TLN1: variants seen among roughly 807,000 people sequenced by gnomAD.
The protein encoded by TLN1 is talin 1.
TLN1 carries 56 observed loss-of-function variants against 292.3 expected under a neutral mutation model. The ratio of observed to expected loss-of-function variants is 0.19; its 90% CI spans 0.15 to 0.24. TLN1 has a LOEUF of 0.24. TLN1 is among the 10% of genes least tolerant of loss of function. The pLI is 1.00. For missense variants in TLN1, 2,433 were observed against 3,248.2 expected (o/e 0.75, Z 6.10); for synonymous variants, 1,119 against 1,253.7 (o/e 0.89, Z 2.27).
chr9:35,721,784 T>C lies in TLN1; in HGVS notation c.968A>G (p.Asn323Ser). The C allele has an allele frequency of 6.2e-7, 1 of 1,610,386 alleles. No homozygotes were observed. Among genetic ancestry groups the C allele is most frequent in the Non-Finnish European group, 8.5e-7 (1 of 1,176,718 alleles). Residue 323 changes from asparagine to serine, a missense_variant, in exon 10 of 57, where the codon AAC becomes AGC. Physicochemically the swap from Asn to Ser is conservative, Grantham distance 46 (BLOSUM62 1). Coordinates refer to ENST00000314888, the MANE Select transcript of TLN1 (RefSeq NM_006289.4). ...FLVKEKMKGK[N>S]KLVPRLLGIT... The stretch of plus-strand genomic sequence containing the variant: ...GCCCAGAAGCCTGGGCACTAGCTTG[T>C]TCTTCCCTTTCATTTTTTCCTATGA...
intron 1 of TLN1, among the ~76,000 whole-genome samples, chr9:35,726,536 T>C (rs1825981089): frequency 6.6e-6 from 1 of 152,240 alleles, no homozygotes; most frequent in Non-Finnish European, 1.5e-5. Flanking sequence ...CTGCCTTCTC[T>C]GCAAAATGAA....
At position 35,710,823 on chromosome 9, in the gene TLN1, G is replaced by A; in HGVS notation, c.4177C>T (p.Leu1393=). 2 of 1,614,208 alleles carry A rather than the reference G, an allele frequency of 1.2e-6. No homozygotes were observed. The highest frequency in any genetic ancestry group is 1.7e-6 in the Non-Finnish European group (2 of 1,180,042). Residue 1393 remains leucine, a synonymous_variant, in exon 32 of 57, where the codon CTG becomes TTG. Transcript: ENST00000314888. ...PINDMSYFGC[L]DSVMENSKVL... is the part of the protein sequence containing the mutation. Reference sequence around the variant, plus strand: ...TTTGAGTTCTCCATTACACTGTCCAGGCAACCAAAGTAGGACATGTCATTG... The same window carrying A: ...TTTGAGTTCTCCATTACACTGTCCAAGCAACCAAAGTAGGACATGTCATTG...
Position 35,713,264 on chromosome 9 carries a change from G to A in TLN1, c.3284C>T (p.Thr1095Ile), listed in dbSNP as rs534210542. The change falls in exon 26 of 57, where the codon ACC (threonine) becomes ATC (isoleucine). Residue 1095 changes from threonine to isoleucine, a missense_variant. Thr to Ile is a moderately conservative substitution (Grantham distance 89). Around this residue, in one of 7 missense-constraint regions of TLN1, gnomAD observed 1,384 missense variants for 1,699.6 expected, o/e 0.81. Coordinates refer to ENST00000314888, the MANE Select transcript of TLN1 (RefSeq NM_006289.4). Reference sequence around the variant, plus strand: ...GGCGATGGCTGAGCTCACGGCTTTGGTGCTGTTGCCCAGGTCCTGGGTACA... The same window carrying A: ...GGCGATGGCTGAGCTCACGGCTTTGATGCTGTTGCCCAGGTCCTGGGTACA... ...EKCTQDLGNS[T>I]KAVSSAIAQL... 5.6e-6 allele frequency: 9 copies of A among 1,597,270 alleles called. No individual in the cohort carries two copies. The South Asian group carries it at 9.9e-5, about 18-fold the overall frequency.
intron 29 of TLN1, 57 bp downstream of exon 29, chr9:35,711,538 G>A: frequency 1.2e-6 from 2 of 1,610,772 alleles, no homozygotes; most frequent in Non-Finnish European, 1.7e-6. Flanking sequence ...TCACTCAACT[G>A]CCTCCTATCT....
intron 1 of TLN1, 51 bp from the exon 2 acceptor site, chr9:35,725,778 G>A: frequency 6.5e-7 from 1 of 1,537,390 alleles, no homozygotes; most frequent in Non-Finnish European, 8.9e-7. Flanking sequence ...TGGGAGAAGA[G>A]GCCCCCCAGA....
intron 20 of TLN1, 94 bp downstream of exon 20, chr9:35,716,296 T>C: frequency 7.0e-7 from 1 of 1,434,258 alleles, no homozygotes; most frequent in Non-Finnish European, 9.4e-7. Context: ...TTTCTGCTTT[T>C]CCTGGGTCTC....
chr9:35,710,764 C>T, intron 32 of TLN1, 33 bp downstream of exon 32: 2 of 1,613,934 alleles, frequency 1.2e-6, no homozygotes, highest in South Asian at 1.1e-5. Context: ...CATCCTACTG[C>T]CCTCTCTCCT....
chr9:35,698,441 T>C lies in TLN1; in HGVS notation c.7253A>G (p.His2418Arg), dbSNP rs756724126. ...TGAGATGAGCTTCTCCTGGCTGGCA[T>C]GGCCTTGTACAGCTGCATTGGCTGC... Reference protein sequence around the residue: ...CEAANAAVQGHASQEKLISSA... With the variant: ...CEAANAAVQGRASQEKLISSA... Residue 2418 changes from histidine to arginine, a missense_variant, in exon 55 of 57, where the codon CAT (histidine) becomes CGT (arginine). This residue lies in a region of TLN1 where 141 missense variants were observed against 248.5 expected (regional missense o/e 0.57). Coordinates refer to ENST00000314888, the MANE Select transcript of TLN1 (RefSeq NM_006289.4). This position sits in a 1 kb window ranked among gnomAD's most constrained non-coding sequence, Gnocchi z 5.3. The C allele has an allele frequency of 3.7e-6, 6 of 1,614,004 alleles. No individual in the cohort carries two copies. Among genetic ancestry groups the C allele is most frequent in the African/African-American group, 1.3e-5 (1 of 74,940 alleles).
rs1251300709 is a variant in TLN1 at position 35,713,275 on chromosome 9, C to T, written c.3273G>A (p.Leu1091=). The change falls in exon 26 of 57, where the codon CTG becomes CTA. Residue 1091 remains leucine (L), a synonymous_variant. Transcript: ENST00000314888. Reference sequence around the variant, plus strand: ...AGCTCACGGCTTTGGTGCTGTTGCCCAGGTCCTGGGTACACTTCTCCATCT... The same window carrying T: ...AGCTCACGGCTTTGGTGCTGTTGCCTAGGTCCTGGGTACACTTCTCCATCT... ...GETMEKCTQD[L]GNSTKAVSSA... is the part of the protein sequence containing the mutation. 6.3e-6 allele frequency: 10 copies of T among 1,595,678 alleles called. No individual in the cohort carries two copies. Among genetic ancestry groups the T allele is most frequent in the African/African-American group, 5.4e-5 (4 of 74,620 alleles).
Position 35,708,504 on chromosome 9 carries a change from T to A in TLN1, c.4327-20A>T, listed in dbSNP as rs189157085. 6.1e-5 allele frequency: 93 copies of A among 1,535,278 alleles called. No individual in the cohort carries two copies. The highest frequency in any genetic ancestry group is 5.3e-4 in the Admixed American group (27 of 51,328). ...TGCAGCCTGGGAAGAGAAAAGGGGG[T>A]GGGGGTGAGGAATAAAGATTGCAGG... is the stretch of plus-strand genomic sequence containing the variant. On this transcript the variant is annotated intron_variant, in intron 33 of 56. Transcript: ENST00000314888.
intron 12 of TLN1, 66 bp from the exon 13 acceptor site, chr9:35,720,285 A>C (rs1019219247): frequency 1.3e-6 from 2 of 1,545,094 alleles, no homozygotes; most frequent in Non-Finnish European, 1.7e-6. Context: ...ACCCGGTTAC[A>C]CTACCTTTGC....
Position 35,705,820 on chromosome 9 carries a change from C to A in TLN1, c.5543G>T (p.Gly1848Val), listed in dbSNP as rs756770125. 11 of 1,614,238 alleles carry A rather than the reference C, an allele frequency of 6.8e-6. No individual in the cohort carries two copies. The highest frequency in any genetic ancestry group is 9.3e-6 in the Non-Finnish European group (11 of 1,180,052). The stretch of plus-strand genomic sequence containing the variant: ...AGTTGTTTGGTAATCCACGAAGGAA[C>A]CTTCTGGTTCACCCATTGGTCCTTC... ...LDEGPMGEPE[G>V]SFVDYQTTMV... The change falls in exon 42 of 57, where the codon GGT (glycine) becomes GTT (valine). Residue 1848 changes from glycine (G) to valine (V), a missense_variant. Around this residue, in one of 7 missense-constraint regions of TLN1, gnomAD observed 1,384 missense variants for 1,699.6 expected, o/e 0.81. Transcript: ENST00000314888.
In TLN1 at chr9:35,698,275, T is replaced by C; in HGVS notation, c.7371+48A>G. ...AAACATACATCTCGGGAGTGACAGT[T>C]TGAAGCAGTATAGCCCAAGGGACAA... On this transcript the variant is annotated intron_variant, in intron 55 of 56. Coordinates refer to ENST00000314888, the MANE Select transcript of TLN1 (RefSeq NM_006289.4). This position sits in a 1 kb window ranked among gnomAD's most constrained non-coding sequence, Gnocchi z 5.3. 1.2e-6 allele frequency: 2 copies of C among 1,609,498 alleles called. No homozygotes were observed. Among genetic ancestry groups the C allele is most frequent in the Non-Finnish European group, 1.7e-6 (2 of 1,176,536 alleles).
chr9:35,723,455 G>A, intron 7 of TLN1: 1 of 185,896 alleles, frequency 5.4e-6, no homozygotes, highest in Non-Finnish European at 1.1e-5. Context: ...AAGGGACTGA[G>A]GAAAATTAAG....
chr9:35,713,804 A>C, intron 25 of TLN1, 149 bp downstream of exon 25: 1 of 825,232 alleles, frequency 1.2e-6, no homozygotes, highest in Non-Finnish European at 1.8e-6. Context: ...GAGAAAGAAA[A>C]AAGGAAGGAA....
intron 29 of TLN1, 86 bp from the exon 30 acceptor site, chr9:35,711,480 G>A: frequency 6.2e-7 from 1 of 1,605,746 alleles, no homozygotes; most frequent in Non-Finnish European, 8.5e-7. Context: ...CACTCAAGTA[G>A]TGCTAGAGAC....
rs1332685594 is a variant in TLN1, at chr9:35,698,104, A to T, written c.7440T>A (p.Phe2480Leu). The change falls in exon 56 of 57, where the codon TTT becomes TTA. Residue 2480 changes from phenylalanine (F) to leucine (L), a missense_variant. Coordinates refer to ENST00000314888, the MANE Select transcript of TLN1 (RefSeq NM_006289.4). This position sits in a 1 kb window ranked among gnomAD's most constrained non-coding sequence, Gnocchi z 5.3. ...LVKAAQKAAA[F>L]EEQENETVVV... ...CCACTGTCTCATTCTCCTGCTCTTCAAAGGCTGCAGCCTTCTGTGCTGCTT... is the reference window on the plus strand; with the variant it reads ...CCACTGTCTCATTCTCCTGCTCTTCTAAGGCTGCAGCCTTCTGTGCTGCTT... 6.2e-7 allele frequency: 1 copy of T among 1,613,950 alleles called. No homozygotes were observed. Among genetic ancestry groups the T allele is most frequent in the Non-Finnish European group, 8.5e-7 (1 of 1,180,038 alleles).
Position 35,706,512 on chromosome 9 carries a change from A to C in TLN1, c.5128T>G (p.Ser1710Ala). Residue 1710 changes from serine (S) to alanine (A), a missense_variant, in exon 39 of 57, where the codon TCC (serine) becomes GCC (alanine). Ser to Ala is a moderately conservative substitution (Grantham distance 99). Around this residue, in one of 7 missense-constraint regions of TLN1, gnomAD observed 1,384 missense variants for 1,699.6 expected, o/e 0.81. Transcript: ENST00000314888. This position sits in a 1 kb window ranked among gnomAD's most constrained non-coding sequence, Gnocchi z 4.2. ...TTGGCCAGCGGCTCAATGAGATGGG[A>C]GATCTCTTGGACTGCAGTGAGCATC... ...TQMLTAVQEI[S>A]HLIEPLANAA... 1 of 1,614,068 alleles carries C rather than the reference A, an allele frequency of 6.2e-7. No individual in the cohort carries two copies. The highest frequency in any genetic ancestry group is 8.5e-7 in the Non-Finnish European group (1 of 1,180,006).
At chr9:35,726,766 C>G (rs1461066126) in intron 1 of TLN1, among the ~76,000 whole-genome samples, 1 of 152,224 alleles carries the variant, frequency 6.6e-6, no homozygotes, top group Non-Finnish European at 1.5e-5. Flanking sequence ...AGGGATCTAT[C>G]TCAGAAGTTA....
Sources: gnomAD v4.1 joint callset for allele counts (sites outside exome capture counted in the v4.1 genomes callset) on GRCh38, gnomAD v4.1.1 for gene constraint, gnomAD v4.1.1 regional missense constraint, Gnocchi (gnomAD v3.1) non-coding constraint, MANE v1.5 for transcripts, NCBI Gene and HGNC (gene_info 2026-07-23, HGNC 2026-07-21) for gene names.